SLC22A15: variants seen among roughly 807,000 people sequenced by gnomAD.
SLC22A15 encodes the protein flipt 1.
SLC22A15 carries 45 observed loss-of-function variants against 62.7 expected under a neutral mutation model. That is an observed-to-expected ratio of 0.72 (90% CI 0.56 to 0.92). SLC22A15 has a LOEUF of 0.92. Among genes scored for constraint, SLC22A15 ranks in the 40% least tolerant of loss-of-function variants. The pLI is 0.00. For missense variants in SLC22A15, 622 were observed against 665.6 expected, an observed-to-expected ratio of 0.93 and a Z score of 0.72; for synonymous variants, 264 against 267.0, an observed-to-expected ratio of 0.99 and a Z score of 0.11.
Position 115,997,725 on chromosome 1 carries a change from A to G in SLC22A15, c.300+5482A>G, listed in dbSNP as rs187479478. On this transcript the variant is annotated intron_variant, in intron 2 of 11. Transcript: ENST00000369503. The stretch of plus-strand genomic sequence containing the variant: ...GGAGTCTTTAGTTTTTTTTCAGATC[A>G]TATCATCTGCAAACAAGGGTAATTT... Among the ~76,000 whole-genome samples, 6 of 152,062 alleles carry G rather than the reference A, an allele frequency of 3.9e-5. No individual in the cohort carries two copies. In the East Asian group the frequency reaches 1.2e-3, roughly 29 times the overall value.
At chr1:116,032,207 A>G in intron 6 of SLC22A15, 1 of 985,424 alleles carries the variant, frequency 1.0e-6, no homozygotes. Context: ...CCTACCTTTC[A>G]AAATGCTCTC....
rs184066262 is a variant in SLC22A15 at position 115,992,921 on chromosome 1, G to T, written c.300+678G>T. 3.9e-5 allele frequency among the ~76,000 whole-genome samples: 6 copies of T among 152,120 alleles called. No homozygotes were observed. In the East Asian group the frequency reaches 1.2e-3, roughly 29 times the overall value. On this transcript the variant is annotated intron_variant, in intron 2 of 11. Transcript: ENST00000369503. The stretch of plus-strand genomic sequence containing the variant: ...ATTACAGGCATGAGCCACCGCGCCT[G>T]GCCTATAGTTCATTTTTAAGTCAAG...
chr1:116,052,477 A>G (rs1402143566), intron 8 of SLC22A15, among the ~76,000 whole-genome samples: 1 of 152,238 alleles, frequency 6.6e-6, no homozygotes, highest in Admixed American at 6.5e-5. Context: ...CAGGGCACAG[A>G]CAAACAAAAA....
At chr1:116,033,378 C>T (rs756261586) in intron 6 of SLC22A15, among the ~76,000 whole-genome samples, 5 of 152,094 alleles carry the variant, frequency 3.3e-5, no homozygotes, top group South Asian at 2.1e-4. Flanking sequence ...AACTCTATGA[C>T]GAAGGCAACT....
chr1:115,982,073 G>A (rs1654635900), intron 1 of SLC22A15, among the ~76,000 whole-genome samples: 1 of 152,146 alleles, frequency 6.6e-6, no homozygotes, highest in South Asian at 2.1e-4. Flanking sequence ...ACAATTAATT[G>A]GCCTTGGGGC....
At chr1:116,025,461 T>C (rs895627305) in intron 4 of SLC22A15, among the ~76,000 whole-genome samples, 1 of 152,294 alleles carries the variant, frequency 6.6e-6, no homozygotes, top group East Asian at 1.9e-4. Context: ...CTCCCTTTCC[T>C]CACTAGGTCA....
In SLC22A15 at chr1:115,989,269, A is replaced by T. The variant is rs894261778; in HGVS notation, c.88-2762A>T. On this transcript the variant is annotated intron_variant, in intron 1 of 11. Coordinates refer to ENST00000369503, the MANE Select transcript of SLC22A15 (RefSeq NM_018420.3). ...CTAGAAAGAAAACTGGTTAATACTG[A>T]TTAATACAGATAATACTGATTAGGT... 9.2e-5 allele frequency among the ~76,000 whole-genome samples: 14 copies of T among 152,294 alleles called. 1 individual carries two copies. The highest frequency in any genetic ancestry group is 4.6e-4 in the Admixed American group (7 of 15,296).
chr1:116,048,493 A>G (rs1657980903), intron 8 of SLC22A15, among the ~76,000 whole-genome samples: 1 of 152,194 alleles, frequency 6.6e-6, no homozygotes, highest in South Asian at 2.1e-4. Context: ...TAAGCATCAT[A>G]TATGAAGGAA....
At chr1:116,030,379 A>T (rs976138184) in intron 5 of SLC22A15, among the ~76,000 whole-genome samples, 9 of 152,196 alleles carry the variant, frequency 5.9e-5, no homozygotes, top group Admixed American at 3.9e-4. Context: ...AGTGAATTCT[A>T]TAAAGCACCG....
rs879419330 is a variant in SLC22A15 at position 116,068,977 on chromosome 1, C to T, written c.*1869C>T. The T allele has an allele frequency of 4.6e-5, 7 of 152,122 alleles. No homozygotes were observed. Among genetic ancestry groups the T allele is most frequent in the African/African-American group, 9.7e-5 (4 of 41,436 alleles). 9.4% of individuals were successfully genotyped at this position (152,122 alleles called of 1,614,324 possible). ...AATTTGGAAACTATAAATTTAGAAACGTATCACCCATACGTCCAACATCGA... is the reference window on the plus strand; with the variant it reads ...AATTTGGAAACTATAAATTTAGAAATGTATCACCCATACGTCCAACATCGA... On this transcript the variant is annotated 3_prime_UTR_variant, in exon 12 of 12. Coordinates refer to ENST00000369503, the MANE Select transcript of SLC22A15 (RefSeq NM_018420.3).
intron 1 of SLC22A15, among the ~76,000 whole-genome samples, chr1:115,985,945 C>CAA (rs35381675): frequency 0.011 from 1,226 of 114,180 alleles, 18 homozygotes; most frequent in Non-Finnish European, 0.014. Flanking sequence ...GACTCCATCT[C>CAA]AAAAAAAAAA....
chr1:115,986,946 A>G (rs1434974949), intron 1 of SLC22A15, among the ~76,000 whole-genome samples: 3 of 152,202 alleles, frequency 2.0e-5, no homozygotes, highest in African/African-American at 7.2e-5. Context: ...CTTGGATAAC[A>G]GATTCCACTG....
chr1:116,041,059 T>C (rs1448739555), intron 8 of SLC22A15, among the ~76,000 whole-genome samples: 2 of 152,196 alleles, frequency 1.3e-5, no homozygotes, highest in Admixed American at 6.5e-5. Context: ...CAGAGTGGCA[T>C]TGGGCTCTCA....
chr1:115,989,340 T>A (rs566024688), intron 1 of SLC22A15, among the ~76,000 whole-genome samples: 20 of 152,352 alleles, frequency 1.3e-4, no homozygotes, highest in African/African-American at 4.6e-4. Context: ...TATAGCAACA[T>A]CACTTTATTT....
intron 2 of SLC22A15, among the ~76,000 whole-genome samples, chr1:116,003,576 C>T (rs892266371): frequency 6.6e-6 from 1 of 152,206 alleles, no homozygotes; most frequent in Non-Finnish European, 1.5e-5. Context: ...GAATTCTGCC[C>T]TGTGTTGCTT....
chr1:116,065,554 GT>G (rs1658478805), intron 10 of SLC22A15, among the ~76,000 whole-genome samples: 1 of 152,104 alleles, frequency 6.6e-6, no homozygotes, highest in Non-Finnish European at 1.5e-5. Flanking sequence ...CTGGACATAT[GT>G]TTGAGTGTAG....
At chr1:116,051,458 T>C (rs537327794) in intron 8 of SLC22A15, among the ~76,000 whole-genome samples, 27 of 152,062 alleles carry the variant, frequency 1.8e-4, no homozygotes, top group Non-Finnish European at 3.5e-4. Flanking sequence ...AAACATAAAG[T>C]GGGGAAAGGA....
intron 2 of SLC22A15, among the ~76,000 whole-genome samples, chr1:115,998,946 G>A (rs945344750): frequency 1.3e-5 from 2 of 151,996 alleles, no homozygotes; most frequent in African/African-American, 4.8e-5. Flanking sequence ...TATTACTGCT[G>A]TATTCCATGG....
intron 8 of SLC22A15, among the ~76,000 whole-genome samples, chr1:116,039,330 C>T (rs943245975): frequency 3.9e-5 from 6 of 151,986 alleles, no homozygotes; most frequent in Non-Finnish European, 5.9e-5. Flanking sequence ...GTCAGGAGTT[C>T]GAGACCAGCC....
Sources: gnomAD v4.1 joint callset for allele counts (sites outside exome capture counted in the v4.1 genomes callset) on GRCh38, gnomAD v4.1.1 for gene constraint, MANE v1.5 for transcripts, NCBI Gene and HGNC (gene_info 2026-07-23, HGNC 2026-07-21) for gene names.